The following VPS13B variants were observed in gnomAD, a reference collection of about 807,000 sequenced individuals.
VPS13B encodes the protein vacuolar protein sorting 13 homolog B, also known as intermembrane lipid transfer protein VPS13B.
A neutral mutation model predicts 426.4 loss-of-function variants in VPS13B; 285 were observed. The observed-to-expected ratio is 0.67, with a 90% CI of 0.61 to 0.74. The LOEUF (loss-of-function observed/expected upper bound fraction) is 0.74. VPS13B is among the 30% of genes least tolerant of loss of function. The probability of loss-of-function intolerance (pLI) is 0.00; values close to 1 mark genes in which losing one functional copy is unlikely to be tolerated. For missense variants in VPS13B, 4,537 were observed against 4,782.6 expected, an observed-to-expected ratio of 0.95 and a Z score of 1.51; for synonymous variants, 1,676 against 1,676.4, an observed-to-expected ratio of 1.00 and a Z score of 0.01.
Position 99,502,873 on chromosome 8 carries a change from T to A in VPS13B, c.4080T>A (p.Ala1360=), listed in dbSNP as rs758803331. 1 of 1,613,596 alleles carries A rather than the reference T, an allele frequency of 6.2e-7. No individual in the cohort carries two copies. The change falls in exon 27 of 62, where the codon GCT becomes GCA. Residue 1360 remains alanine, a synonymous_variant. Transcript: ENST00000357162. ...TCAGTGAACTAGAAGATCTCAGTGCTTCCATAGATGTCCAGGATGTATATA... is the reference window on the plus strand; with the variant it reads ...TCAGTGAACTAGAAGATCTCAGTGCATCCATAGATGTCCAGGATGTATATA... ...CMVSELEDLS[A]SIDVQDVYTK...
intron 25 of VPS13B, among the ~76,000 whole-genome samples, chr8:99,499,714 T>C (rs758351707): frequency 6.6e-6 from 1 of 152,136 alleles, no homozygotes; most frequent in Non-Finnish European, 1.5e-5. Context: ...AGCATTTATA[T>C]GAAAACTGCA....
chr8:99,101,748 G>A (rs968402517), intron 4 of VPS13B, among the ~76,000 whole-genome samples: 1 of 152,148 alleles, frequency 6.6e-6, no homozygotes, highest in Non-Finnish European at 1.5e-5. Context: ...TTTTGCACAC[G>A]TTATGGTTGA....
intron 25 of VPS13B, among the ~76,000 whole-genome samples, chr8:99,489,887 C>A (rs760965927): frequency 1.8e-4 from 28 of 152,250 alleles, no homozygotes; most frequent in Middle Eastern, 3.4e-3. Flanking sequence ...TGCTTGAATA[C>A]CCTTTATTTC....
intron 17 of VPS13B, among the ~76,000 whole-genome samples, chr8:99,210,867 G>A (rs1815049671): frequency 6.6e-6 from 1 of 152,060 alleles, no homozygotes; most frequent in Admixed American, 6.5e-5. Flanking sequence ...CAAAGTTCTG[G>A]TATTAAGGTG....
chr8:99,508,528 T>C (rs778596176), intron 28 of VPS13B, among the ~76,000 whole-genome samples: 1 of 152,216 alleles, frequency 6.6e-6, no homozygotes, highest in Non-Finnish European at 1.5e-5. Context: ...GCAAGTGTTA[T>C]GTTCTGATTT....
chr8:99,247,261 A>T (rs571750368), intron 17 of VPS13B, among the ~76,000 whole-genome samples: 1 of 152,258 alleles, frequency 6.6e-6, no homozygotes, highest in Admixed American at 6.5e-5. Context: ...ATTATAGAAA[A>T]TCCCTTAATT....
chr8:99,684,289 A>T (rs1237444748), intron 35 of VPS13B, among the ~76,000 whole-genome samples: 1 of 152,148 alleles, frequency 6.6e-6, no homozygotes, highest in Middle Eastern at 3.2e-3. Flanking sequence ...ATCTACTTTT[A>T]GTATCGGTAA....
chr8:99,782,458 C>T (rs1380341515), intron 42 of VPS13B, among the ~76,000 whole-genome samples: 1 of 151,784 alleles, frequency 6.6e-6, no homozygotes, highest in Admixed American at 6.6e-5. Context: ...CTTATGTAAG[C>T]GTAAAATAGG....
intron 7 of VPS13B, among the ~76,000 whole-genome samples, chr8:99,120,881 G>T (rs1332742166): frequency 3.3e-5 from 5 of 152,110 alleles, no homozygotes; most frequent in Non-Finnish European, 7.4e-5. Context: ...CGATGTTAAA[G>T]AATTAATTTA....
intron 30 of VPS13B, among the ~76,000 whole-genome samples, chr8:99,538,561 GC>G (rs1823385169): frequency 6.6e-6 from 1 of 152,024 alleles, no homozygotes; most frequent in Non-Finnish European, 1.5e-5. Context: ...TATTTGAAGA[GC>G]CAGTTTCATC....
At chr8:99,117,284 A>G (rs1444410860) in intron 7 of VPS13B, among the ~76,000 whole-genome samples, 1 of 152,208 alleles carries the variant, frequency 6.6e-6, no homozygotes, top group Non-Finnish European at 1.5e-5. Flanking sequence ...ATAAAAAAAA[A>G]TACAAAATAA....
intron 35 of VPS13B, among the ~76,000 whole-genome samples, chr8:99,661,964 C>A (rs1027511706): frequency 6.6e-6 from 1 of 152,126 alleles, no homozygotes; most frequent in Non-Finnish European, 1.5e-5. Flanking sequence ...GTGCTTGAAA[C>A]ATAGTAATTA....
chr8:99,338,161 T>C (rs1811034579), intron 19 of VPS13B, among the ~76,000 whole-genome samples: 1 of 152,162 alleles, frequency 6.6e-6, no homozygotes, highest in Non-Finnish European at 1.5e-5. Flanking sequence ...TTAAAAAGAT[T>C]ATATAAAGTA....
At chr8:99,064,987 A>T (rs1355929843) in intron 3 of VPS13B, among the ~76,000 whole-genome samples, 1 of 152,220 alleles carries the variant, frequency 6.6e-6, no homozygotes, top group Admixed American at 6.5e-5. Flanking sequence ...TTCAACCCAG[A>T]ATTTCATATC....
chr8:99,602,668 A>G (rs1324252699), intron 33 of VPS13B, among the ~76,000 whole-genome samples: 85 of 147,308 alleles, frequency 5.8e-4, no homozygotes, highest in South Asian at 3.9e-3. Context: ...TTAAGCTGAT[A>G]AGCAACTTCA....
rs151020143 is a variant in VPS13B at position 99,795,527 on chromosome 8, G to A, written c.7941+11051G>A. Among the ~76,000 whole-genome samples, 170 of 152,198 alleles carry A rather than the reference G, an allele frequency of 1.1e-3. 2 individuals carry two copies. The East Asian group carries it at 0.032, about 28-fold the overall frequency. On this transcript the variant is annotated intron_variant, in intron 43 of 61. Coordinates refer to ENST00000357162, the MANE Select transcript of VPS13B (RefSeq NM_152564.5). ...ACTAAATCTCTATTAGTCACCTATT[G>A]CTGTATAAAAAATTACCCCAAAACT...
intron 30 of VPS13B, 121 bp downstream of exon 30, chr8:99,521,131 A>C: frequency 1.2e-6 from 1 of 830,236 alleles, no homozygotes; most frequent in Non-Finnish European, 1.9e-6. Context: ...TGATATTTAA[A>C]ACCAGGTTTT....
intron 19 of VPS13B, among the ~76,000 whole-genome samples, chr8:99,330,016 C>T (rs1009540720): frequency 2.0e-5 from 3 of 151,786 alleles, no homozygotes; most frequent in Non-Finnish European, 2.9e-5. Context: ...GAAGTCACCC[C>T]TGTTTGAGAG....
At chr8:99,787,424 T>C (rs1425448423) in intron 43 of VPS13B, among the ~76,000 whole-genome samples, 1 of 152,178 alleles carries the variant, frequency 6.6e-6, no homozygotes, top group Non-Finnish European at 1.5e-5. Flanking sequence ...AACAGTTTCT[T>C]GCCTAAACAA....
Sources: gnomAD v4.1 joint callset for allele counts (sites outside exome capture counted in the v4.1 genomes callset) on GRCh38, gnomAD v4.1.1 for gene constraint, MANE v1.5 for transcripts, NCBI Gene and HGNC (gene_info 2026-07-23, HGNC 2026-07-21) for gene names.